Variants in ITGBL1 observed in about 807,000 individuals in gnomAD.
ITGBL1 encodes integrin subunit beta like 1, also known as integrin beta-like protein 1.
Under a neutral mutation model 68.5 loss-of-function variants are expected in ITGBL1, and 51 were observed. That is an observed-to-expected ratio of 0.74 (90% CI 0.59 to 0.94). ITGBL1 has a LOEUF of 0.94. ITGBL1 is among the 40% of genes least tolerant of loss of function. ITGBL1 has a pLI of 0.00. For missense variants in ITGBL1, 649 were observed against 647.4 expected (o/e 1.00, Z -0.03); for synonymous variants, 209 against 227.3 (o/e 0.92, Z 0.72).
At chr13:101,643,920 T>C (rs2032473063) in intron 7 of ITGBL1, among the ~76,000 whole-genome samples, 1 of 152,224 alleles carries the variant, frequency 6.6e-6, no homozygotes, top group Non-Finnish European at 1.5e-5. Flanking sequence ...CTCTTCTTTC[T>C]GGGGTTGTAA....
At chr13:101,529,633 A>T (rs953846705) in intron 2 of ITGBL1, among the ~76,000 whole-genome samples, 8 of 152,138 alleles carry the variant, frequency 5.3e-5, no homozygotes, top group Non-Finnish European at 1.5e-5. Context: ...GTTGAGGGAG[A>T]AACCCAGTGG....
At chr13:101,580,530 G>A (rs1423800244) in intron 5 of ITGBL1, among the ~76,000 whole-genome samples, 1 of 152,116 alleles carries the variant, frequency 6.6e-6, no homozygotes, top group Non-Finnish European at 1.5e-5. Flanking sequence ...ATGTTGGTGT[G>A]CTGCACCCAT....
intron 7 of ITGBL1, among the ~76,000 whole-genome samples, chr13:101,622,385 G>A (rs1276013587): frequency 6.6e-6 from 1 of 152,010 alleles, no homozygotes; most frequent in East Asian, 1.9e-4. Flanking sequence ...ATTCAGTCTA[G>A]GTTCTTGCTT....
chr13:101,560,376 A>T (rs916113826), intron 2 of ITGBL1, among the ~76,000 whole-genome samples: 5 of 152,224 alleles, frequency 3.3e-5, no homozygotes, highest in African/African-American at 1.2e-4. Context: ...TGTTCAAATT[A>T]AAATACCCCT....
At chr13:101,512,320 G>C (rs2139113549) in intron 2 of ITGBL1, among the ~76,000 whole-genome samples, 1 of 151,980 alleles carries the variant, frequency 6.6e-6, no homozygotes, top group Admixed American at 6.6e-5. Context: ...TTCTCCTCAG[G>C]CCACTCACCA....
At chr13:101,550,576 A>G (rs569772820) in intron 2 of ITGBL1, among the ~76,000 whole-genome samples, 1 of 152,336 alleles carries the variant, frequency 6.6e-6, no homozygotes, top group Admixed American at 6.5e-5. Context: ...AAACTGTGGC[A>G]GGCTAATTTG....
intron 2 of ITGBL1, among the ~76,000 whole-genome samples, chr13:101,470,978 T>C (rs1211599636): frequency 3.3e-5 from 5 of 152,190 alleles, no homozygotes; most frequent in Non-Finnish European, 7.3e-5. Flanking sequence ...TAAGATCACA[T>C]GTTGTCTGAA....
At chr13:101,508,615 T>G (rs1566707374) in intron 2 of ITGBL1, among the ~76,000 whole-genome samples, 1 of 152,152 alleles carries the variant, frequency 6.6e-6, no homozygotes, top group East Asian at 1.9e-4. Context: ...TGATAAATAT[T>G]AAGTTTTATT....
rs2032047806 is a variant in ITGBL1, at chr13:101,633,243, A to G, written c.1015+34944A>G. Among the ~76,000 whole-genome samples, 5 of 152,186 alleles carry G rather than the reference A, an allele frequency of 3.3e-5. No individual in the cohort carries two copies. The South Asian group carries it at 1.0e-3, about 31-fold the overall frequency. On this transcript the variant is annotated intron_variant, in intron 7 of 10. Transcript: ENST00000376180. ...TTTTAGGCACCTCCATAATGAATGTATCTACTTTTGCCCCAAATTGACCGT... is the reference window on the plus strand; with the variant it reads ...TTTTAGGCACCTCCATAATGAATGTGTCTACTTTTGCCCCAAATTGACCGT...
At chr13:101,610,111 T>G (rs1224975654) in intron 7 of ITGBL1, among the ~76,000 whole-genome samples, 2 of 152,150 alleles carry the variant, frequency 1.3e-5, no homozygotes, top group Non-Finnish European at 2.9e-5. Context: ...TTATGAAAAT[T>G]TTGTTACTAT....
intron 2 of ITGBL1, among the ~76,000 whole-genome samples, chr13:101,500,031 T>C (rs992437016): frequency 6.6e-6 from 1 of 152,202 alleles, no homozygotes; most frequent in Non-Finnish European, 1.5e-5. Flanking sequence ...GCCATAGGTT[T>C]ATCTTCCACC....
intron 2 of ITGBL1, among the ~76,000 whole-genome samples, chr13:101,526,851 G>A (rs763296899): frequency 6.6e-6 from 1 of 151,708 alleles, no homozygotes; most frequent in East Asian, 1.9e-4. Context: ...AGGTATCATG[G>A]CATTCTACCC....
intron 4 of ITGBL1, among the ~76,000 whole-genome samples, chr13:101,578,225 G>C (rs1032611188): frequency 6.6e-6 from 1 of 152,128 alleles, no homozygotes; most frequent in Non-Finnish European, 1.5e-5. Context: ...AAATACCATA[G>C]TGTTAGAATG....
chr13:101,470,302 G>T (rs1016673743), intron 2 of ITGBL1, among the ~76,000 whole-genome samples: 1 of 151,768 alleles, frequency 6.6e-6, no homozygotes, highest in African/African-American at 2.4e-5. Context: ...TATAATATAG[G>T]CATTACTATT....
At chr13:101,713,358 A>G (rs550302776) in intron 9 of ITGBL1, 1 of 152,116 alleles carries the variant, frequency 6.6e-6, no homozygotes, top group Admixed American at 6.5e-5. Context: ...TTTTCAATAT[A>G]TTTTGAACTT....
At chr13:101,462,613 C>T (rs986244539) in intron 2 of ITGBL1, among the ~76,000 whole-genome samples, 31 of 151,968 alleles carry the variant, frequency 2.0e-4, no homozygotes, top group African/African-American at 5.6e-4. Flanking sequence ...GTTGGATTCT[C>T]GCTGTGTTGC....
chr13:101,597,061 A>G (rs1374128910), intron 6 of ITGBL1, among the ~76,000 whole-genome samples: 4 of 152,188 alleles, frequency 2.6e-5, no homozygotes, highest in Non-Finnish European at 1.5e-5. Flanking sequence ...AATGTCAACT[A>G]TTCACTTTGG....
intron 7 of ITGBL1, among the ~76,000 whole-genome samples, chr13:101,599,209 T>C (rs2030194064): frequency 6.6e-6 from 1 of 151,736 alleles, no homozygotes; most frequent in South Asian, 2.1e-4. Context: ...TTTTTTCATG[T>C]GTCTTTTGGC....
intron 7 of ITGBL1, among the ~76,000 whole-genome samples, chr13:101,660,939 G>T (rs371236768): frequency 3.3e-5 from 5 of 152,270 alleles, no homozygotes; most frequent in South Asian, 4.1e-4. Flanking sequence ...TTACCAAGGG[G>T]TGAATCATTT....
Sources: gnomAD v4.1 joint callset for allele counts (sites outside exome capture counted in the v4.1 genomes callset) on GRCh38, gnomAD v4.1.1 for gene constraint, MANE v1.5 for transcripts, NCBI Gene and HGNC (gene_info 2026-07-23, HGNC 2026-07-21) for gene names.